The following PHIP variants were observed in gnomAD, a reference collection of about 807,000 sequenced individuals.
The protein encoded by PHIP is PH-interacting protein.
A neutral mutation model predicts 236.8 loss-of-function variants in PHIP; 54 were observed. That is an observed-to-expected ratio of 0.23 (90% CI 0.18 to 0.29). PHIP has a LOEUF of 0.29. PHIP is among the 10% of genes least tolerant of loss of function. The probability of loss-of-function intolerance (pLI) is 1.00; values close to 1 mark genes in which losing one functional copy is unlikely to be tolerated. For missense variants in PHIP, 1,370 were observed against 2,190.8 expected, an observed-to-expected ratio of 0.63 and a Z score of 7.48; for synonymous variants, 756 against 718.9, an observed-to-expected ratio of 1.05 and a Z score of -0.83.
chr6:79,025,876 T>C, intron 8 of PHIP, 67 bp downstream of exon 8: 1 of 1,173,930 alleles, frequency 8.5e-7, no homozygotes, highest in Non-Finnish European at 1.2e-6. Flanking sequence ...CAAAAGTGAC[T>C]TCATTAAATT....
intron 15 of PHIP, among the ~76,000 whole-genome samples, chr6:79,006,977 T>C (rs1040061653): frequency 1.3e-5 from 2 of 152,060 alleles, no homozygotes; most frequent in Admixed American, 6.5e-5. Context: ...TTATTGTATT[T>C]TGTTTTATTT....
At chr6:78,966,202 T>C in intron 27 of PHIP, 146 bp from the exon 28 acceptor site, 1 of 586,576 alleles carries the variant, frequency 1.7e-6, no homozygotes, top group South Asian at 2.2e-5. Flanking sequence ...AATAAGTAAG[T>C]ACAATCAGCA....
At chr6:78,998,667 T>C (rs905273822) in intron 17 of PHIP, among the ~76,000 whole-genome samples, 4 of 152,278 alleles carry the variant, frequency 2.6e-5, no homozygotes, top group Non-Finnish European at 1.5e-5. Flanking sequence ...CTCCATTAGG[T>C]ATGTATAAAC....
At chr6:78,992,252 C>T (rs577413511) in intron 19 of PHIP, among the ~76,000 whole-genome samples, 7 of 152,068 alleles carry the variant, frequency 4.6e-5, no homozygotes, top group Admixed American at 2.6e-4. Context: ...TGTGAGCCAC[C>T]GCGCCGGCCC....
chr6:79,047,030 C>T (rs373007330), intron 6 of PHIP, among the ~76,000 whole-genome samples: 18 of 152,104 alleles, frequency 1.2e-4, no homozygotes, highest in African/African-American at 4.3e-4. Flanking sequence ...AACGTATTCA[C>T]TTAATTTTCT....
At position 79,015,912 on chromosome 6, in the gene PHIP, T is replaced by C. The variant is rs1770813632; in HGVS notation, c.1236-129A>G. 5.4e-5 allele frequency: 33 copies of C among 612,398 alleles called. No homozygotes were observed. In the South Asian group the frequency reaches 7.7e-4, roughly 14 times the overall value. 37.9% of individuals were successfully genotyped at this position (612,398 alleles called of 1,614,324 possible). On this transcript the variant is annotated intron_variant, in intron 13 of 39. Transcript: ENST00000275034. ...TATCACTTAACAGTAACTGAGAAGT[T>C]TGAATCAACATGGAATGATGGTAAA...
chr6:78,947,097 T>G (rs535659419), intron 36 of PHIP, among the ~76,000 whole-genome samples: 1 of 152,308 alleles, frequency 6.6e-6, no homozygotes, highest in Non-Finnish European at 1.5e-5. Flanking sequence ...TTTGAGATTC[T>G]TAAAGAAAAG....
At chr6:78,954,269 T>TC (rs1374785750) in intron 35 of PHIP, among the ~76,000 whole-genome samples, 1 of 64,088 alleles carries the variant, frequency 1.6e-5, no homozygotes, top group Middle Eastern at 7.1e-3. Context: ...GCCTGGCTAA[T>TC]TTTTTTTTTT....
At chr6:78,982,793 C>T in intron 23 of PHIP, 93 bp downstream of exon 23, 1 of 754,462 alleles carries the variant, frequency 1.3e-6, no homozygotes, top group Middle Eastern at 4.0e-4. Flanking sequence ...TGCTGATACA[C>T]TTCAACAATG....
chr6:78,982,699 A>T (rs1400577815), intron 23 of PHIP, among the ~76,000 whole-genome samples, 187 bp downstream of exon 23: 3 of 152,122 alleles, frequency 2.0e-5, no homozygotes, highest in Non-Finnish European at 2.9e-5. Flanking sequence ...TTACATGTTA[A>T]ATATCTAAAA....
rs376140814 is a variant in PHIP, at chr6:78,969,939, T to C, written c.3123-22A>G. On this transcript the variant is annotated intron_variant, in intron 26 of 39. Coordinates refer to ENST00000275034, the MANE Select transcript of PHIP (RefSeq NM_017934.7). ...GTATCTAATTACAAACAGAAACAAA[T>C]TGATTAGGTCACATACCTAAAAATA... The C allele has an allele frequency of 4.7e-5, 74 of 1,570,500 alleles. 1 individual carries two copies. The highest frequency in any genetic ancestry group is 2.8e-4 in the Admixed American group (16 of 57,440).
At chr6:79,008,186 T>C (rs1334429384) in intron 15 of PHIP, among the ~76,000 whole-genome samples, 1 of 150,110 alleles carries the variant, frequency 6.7e-6, no homozygotes, top group Non-Finnish European at 1.5e-5. Context: ...CAAGACTCCG[T>C]CTAAAAAAAA....
At chr6:79,069,287 A>T (rs1014293223) in intron 4 of PHIP, among the ~76,000 whole-genome samples, 2 of 151,218 alleles carry the variant, frequency 1.3e-5, no homozygotes, top group African/African-American at 4.8e-5. Context: ...AAAATTCTAA[A>T]AACATCCAAG....
chr6:79,029,355 A>C (rs1233847577), intron 7 of PHIP, among the ~76,000 whole-genome samples: 1 of 152,186 alleles, frequency 6.6e-6, no homozygotes, highest in East Asian at 1.9e-4. Flanking sequence ...ATTTAACTTT[A>C]TGGAAATTTG....
chr6:79,035,930 G>A (rs1015901659), intron 7 of PHIP, among the ~76,000 whole-genome samples: 2 of 151,704 alleles, frequency 1.3e-5, no homozygotes, highest in Admixed American at 6.6e-5. Flanking sequence ...TTTCATTCTC[G>A]ACCCTTATTC....
intron 9 of PHIP, among the ~76,000 whole-genome samples, chr6:79,022,727 T>C (rs758250584): frequency 1.2e-4 from 19 of 152,240 alleles, no homozygotes; most frequent in Non-Finnish European, 2.4e-4. Flanking sequence ...TGGAGCTAGC[T>C]TATGGTTCAC....
At chr6:79,077,402 T>C in intron 4 of PHIP, 46 bp downstream of exon 4, 1 of 1,506,458 alleles carries the variant, frequency 6.6e-7, no homozygotes, top group Non-Finnish European at 9.2e-7. Flanking sequence ...CAATTTTTAT[T>C]CGACTCAGGG....
chr6:79,040,496 C>T (rs1215381227), intron 7 of PHIP, among the ~76,000 whole-genome samples: 2 of 152,008 alleles, frequency 1.3e-5, no homozygotes, highest in Non-Finnish European at 2.9e-5. Context: ...AAATTGTTAC[C>T]TCCAAAAATA....
At chr6:79,039,544 C>CA (rs1241016537) in intron 7 of PHIP, among the ~76,000 whole-genome samples, 14 of 152,086 alleles carry the variant, frequency 9.2e-5, no homozygotes, top group African/African-American at 3.4e-4. Context: ...GTGAACTCTC[C>CA]AAGAACAAAT....
Sources: allele counts gnomAD v4.1 joint callset (sites outside exome capture counted in the v4.1 genomes callset), GRCh38; gene constraint gnomAD v4.1.1; transcripts MANE v1.5; gene names NCBI Gene and HGNC (gene_info 2026-07-23, HGNC 2026-07-21).